Variants in MAOA observed in about 807,000 individuals in gnomAD.
MAOA encodes the protein monoamine oxidase A, also known as amine oxidase [flavin-containing] A.
In MAOA, 6 loss-of-function variants were observed where a neutral mutation model predicts 42.0. The ratio of observed to expected loss-of-function variants is 0.14; its 90% confidence interval spans 0.08 to 0.28. The LOEUF is 0.28. Among genes scored for constraint, MAOA ranks in the 10% least tolerant of loss-of-function variants. The probability of loss-of-function intolerance (pLI) is 1.00; values close to 1 mark genes in which losing one functional copy is unlikely to be tolerated. For missense variants in MAOA, 262 were observed against 422.3 expected (o/e 0.62, Z 3.33); for synonymous variants, 140 against 154.0 (o/e 0.91, Z 0.67).
At chrX:43,672,273 T>G (rs1057418994) in intron 1 of MAOA, among the ~76,000 whole-genome samples, 1 of 111,541 alleles carries the variant, frequency 9.0e-6, no homozygotes, top group Admixed American at 9.5e-5. Context: ...AGAATGCTTG[T>G]GATTTTTGTA....
At chrX:43,672,297 T>C (rs1258827767) in intron 1 of MAOA, among the ~76,000 whole-genome samples, 13 of 111,508 alleles carry the variant, frequency 1.2e-4, no homozygotes, top group East Asian at 1.1e-3. Flanking sequence ...TGATTTTGTA[T>C]CCTGAGACTT....
intron 12 of MAOA, 97 bp downstream of exon 12, chrX:43,742,144 T>C: frequency 8.7e-7 from 1 of 1,152,022 alleles, no homozygotes; most frequent in Non-Finnish European, 1.2e-6. Context: ...GTTGTCAAAA[T>C]CCCCATTTCT....
intron 1 of MAOA, among the ~76,000 whole-genome samples, chrX:43,678,689 G>T (rs958123979): frequency 3.6e-5 from 4 of 111,777 alleles, no homozygotes; most frequent in Non-Finnish European, 5.6e-5. Flanking sequence ...GTACAAAAAA[G>T]AGTTGGTTAT....
chrX:43,672,890 C>T (rs756523775), intron 1 of MAOA, among the ~76,000 whole-genome samples: 5 of 111,593 alleles, frequency 4.5e-5, no homozygotes, highest in East Asian at 2.8e-4. Context: ...GGATATTGGT[C>T]TAAAATTCTC....
At chrX:43,736,399 C>G in intron 10 of MAOA, 119 bp downstream of exon 10, 1 of 455,108 alleles carries the variant, frequency 2.2e-6, no homozygotes. Context: ...CTCAAAATTC[C>G]AACAAACCAA....
intron 1 of MAOA, among the ~76,000 whole-genome samples, chrX:43,676,376 T>A (rs2033396657): frequency 1.8e-5 from 2 of 111,879 alleles, no homozygotes; most frequent in South Asian, 7.3e-4. Flanking sequence ...GAAAGGGAAC[T>A]CCCTGACCCC....
intron 3 of MAOA, among the ~76,000 whole-genome samples, chrX:43,693,817 C>A (rs1459903430): frequency 9.0e-6 from 1 of 110,712 alleles, no homozygotes; most frequent in Non-Finnish European, 1.9e-5. Context: ...ACACTCCCCT[C>A]CCCCAGCTAC....
intron 1 of MAOA, among the ~76,000 whole-genome samples, chrX:43,663,432 A>G (rs904388751): frequency 7.1e-5 from 8 of 112,129 alleles, no homozygotes; most frequent in African/African-American, 1.9e-4. Context: ...AAGTAATTAT[A>G]TATTAACCAT....
chrX:43,721,069 G>A (rs1312172660), intron 5 of MAOA, among the ~76,000 whole-genome samples: 1 of 111,157 alleles, frequency 9.0e-6, no homozygotes, highest in Non-Finnish European at 1.9e-5. Context: ...TCAATGGTAT[G>A]TGGCAGGATG....
intron 1 of MAOA, among the ~76,000 whole-genome samples, chrX:43,665,915 T>G (rs1339794575): frequency 8.9e-6 from 1 of 112,095 alleles, no homozygotes; most frequent in Non-Finnish European, 1.9e-5. Context: ...TCTGTTGTCT[T>G]CTGCCAAAAA....
chrX:43,743,612 A>G, intron 12 of MAOA, 182 bp from the exon 13 acceptor site: 1 of 487,991 alleles, frequency 2.0e-6, no homozygotes, highest in Middle Eastern at 5.4e-4. Flanking sequence ...TTGAAAGTTC[A>G]GATCCTCTAT....
intron 6 of MAOA, among the ~76,000 whole-genome samples, chrX:43,730,487 CTTTTTTTTTTT>C (rs1232538202): frequency 1.2e-5 from 1 of 84,790 alleles, no homozygotes; most frequent in East Asian, 3.7e-4. Context: ...TATTCCGAAT[CTTTTTTTTTTT>C]TTTTTTTTTT....
chrX:43,658,677 G>A (rs1450447400), intron 1 of MAOA, among the ~76,000 whole-genome samples: 1 of 111,643 alleles, frequency 9.0e-6, no homozygotes, highest in African/African-American at 3.3e-5. Context: ...ACTGGAAAAA[G>A]CACTTGACTT....
chrX:43,667,268 A>G (rs1354024688), intron 1 of MAOA, among the ~76,000 whole-genome samples: 1 of 111,481 alleles, frequency 9.0e-6, no homozygotes, highest in African/African-American at 3.3e-5. Context: ...ATAGCACTTA[A>G]TATTTCCTTA....
intron 1 of MAOA, among the ~76,000 whole-genome samples, chrX:43,677,800 C>T (rs1403834991): frequency 9.0e-6 from 1 of 111,396 alleles, no homozygotes; most frequent in African/African-American, 3.3e-5. Context: ...CATAGAAAAC[C>T]ACAGGATACT....
chrX:43,693,918 T>C (rs919141411), intron 3 of MAOA, among the ~76,000 whole-genome samples: 2 of 111,898 alleles, frequency 1.8e-5, no homozygotes, highest in African/African-American at 3.3e-5. Context: ...AACTGGTTAT[T>C]CATCCTCATT....
rs773216160 is a variant in MAOA, at chrX:43,742,054, C to T, written c.1262+7C>T. On this transcript the variant is annotated splice_region_variant and intron_variant, in intron 12 of 14. Coordinates refer to ENST00000338702, the MANE Select transcript of MAOA (RefSeq NM_000240.4). Reference sequence around the variant, plus strand: ...TCATGACTCAATATGGAAGGTATTACGCAAGCACTACGCCAATTAATCCAA... The same window carrying T: ...TCATGACTCAATATGGAAGGTATTATGCAAGCACTACGCCAATTAATCCAA... 2.3e-4 allele frequency: 283 copies of T among 1,209,532 alleles called. No homozygotes were observed. The highest frequency in any genetic ancestry group is 5.6e-4 in the East Asian group (19 of 33,717).
chrX:43,738,944 G>A (rs1263607095), intron 10 of MAOA, among the ~76,000 whole-genome samples: 1 of 112,405 alleles, frequency 8.9e-6, no homozygotes, highest in East Asian at 2.8e-4. Context: ...CCCTTGTGAA[G>A]TAGGTGTTAG....
At position 43,746,295 on chromosome X, in the gene MAOA, C is replaced by T. The variant is rs922981999; in HGVS notation, c.*1782C>T. The T allele has an allele frequency of 5.4e-5, 6 of 112,000 alleles. No individual in the cohort carries two copies. The highest frequency in any genetic ancestry group is 2.8e-4 in the East Asian group (1 of 3,583). 9.2% of individuals were successfully genotyped at this position (112,000 alleles called of 1,213,427 possible). On this transcript the variant is annotated 3_prime_UTR_variant, in exon 15 of 15. Transcript: ENST00000338702. Reference sequence around the variant, plus strand: ...TTACCCTTTTCAACTTTTTGGAAAACGATTTAATTTATTCTAATTAGATTA... The same window carrying T: ...TTACCCTTTTCAACTTTTTGGAAAATGATTTAATTTATTCTAATTAGATTA...
Sources: allele counts gnomAD v4.1 joint callset (sites outside exome capture counted in the v4.1 genomes callset), GRCh38; gene constraint gnomAD v4.1.1; transcripts MANE v1.5; gene names NCBI Gene and HGNC (gene_info 2026-07-23, HGNC 2026-07-21).